Variants in FAT4 observed in about 807,000 individuals in gnomAD.
FAT4 encodes the protein protocadherin Fat 4.
In FAT4, 84 loss-of-function variants were observed where a neutral mutation model predicts 303.9. That is an observed-to-expected ratio of 0.28 (90% CI 0.23 to 0.33). FAT4 has a LOEUF of 0.33. FAT4 is among the 10% of genes least tolerant of loss of function. FAT4 has a pLI of 1.00. For missense variants in FAT4, 6,005 were observed against 6,146.8 expected (o/e 0.98, Z 0.77); for synonymous variants, 2,307 against 2,298.8 (o/e 1.00, Z -0.10).
In FAT4 at chr4:125,315,168, C is replaced by G. The variant is rs1730517189; in HGVS notation, c.-822C>G. On this transcript the variant is annotated 5_prime_UTR_variant, in exon 1 of 18. Transcript: ENST00000394329. Reference sequence around the variant, plus strand: ...GAGGTGGAGAAGGGCTCGCGGAGCCCTAGCTCCACCGCAGTCCAACCTTCG... The same window carrying G: ...GAGGTGGAGAAGGGCTCGCGGAGCCGTAGCTCCACCGCAGTCCAACCTTCG... 6.6e-6 allele frequency among the ~76,000 whole-genome samples: 1 copy of G among 151,830 alleles called. No homozygotes were observed. Among genetic ancestry groups the G allele is most frequent in the African/African-American group, 2.4e-5 (1 of 41,352 alleles).
intron 2 of FAT4, among the ~76,000 whole-genome samples, chr4:125,394,787 C>T (rs1167237534): frequency 6.6e-6 from 1 of 152,082 alleles, no homozygotes; most frequent in Non-Finnish European, 1.5e-5. Flanking sequence ...AATAGTAACA[C>T]CAATGGCAAC....
chr4:125,469,960 C>T (rs2126077418), intron 12 of FAT4, among the ~76,000 whole-genome samples: 1 of 152,218 alleles, frequency 6.6e-6, no homozygotes, highest in Non-Finnish European at 1.5e-5. Flanking sequence ...CAGCTATAGC[C>T]TTATGAAATG....
At chr4:125,484,239 A>G (rs1418577227) in intron 16 of FAT4, among the ~76,000 whole-genome samples, 2 of 152,116 alleles carry the variant, frequency 1.3e-5, no homozygotes, top group African/African-American at 2.4e-5. Flanking sequence ...AATATGTAGA[A>G]TCAATTGGGT....
intron 7 of FAT4, among the ~76,000 whole-genome samples, chr4:125,424,171 G>A (rs922407141): frequency 1.3e-5 from 2 of 152,148 alleles, no homozygotes; most frequent in African/African-American, 4.8e-5. Context: ...GGGACAGAAT[G>A]ATATGATTTG....
At position 125,418,971 on chromosome 4, in the gene FAT4, A is replaced by T. The variant is rs139294205; in HGVS notation, c.7018+2349A>T. Among the ~76,000 whole-genome samples, 258 of 152,306 alleles carry T rather than the reference A, an allele frequency of 1.7e-3. 1 individual carries two copies. The highest frequency in any genetic ancestry group is 5.7e-3 in the African/African-American group (236 of 41,564). On this transcript the variant is annotated intron_variant, in intron 7 of 17. Transcript: ENST00000394329. The stretch of plus-strand genomic sequence containing the variant: ...GGGAAACTAGAAGAGTATACTTTAA[A>T]AAATGAATTCAGATAATTAATTTAG...
rs568509993 is a variant in FAT4 at position 125,326,043 on chromosome 4, G to A, written c.5175+4457G>A. ...TGAGAGAACCATTGGTGTGGGTAGTGAGATTTTGGCAGTTCAGTTAACAAC... is the reference window on the plus strand; with the variant it reads ...TGAGAGAACCATTGGTGTGGGTAGTAAGATTTTGGCAGTTCAGTTAACAAC... On this transcript the variant is annotated intron_variant, in intron 2 of 17. Coordinates refer to ENST00000394329, the MANE Select transcript of FAT4 (RefSeq NM_001291303.3). Among the ~76,000 whole-genome samples, 5 of 152,116 alleles carry A rather than the reference G, an allele frequency of 3.3e-5. No homozygotes were observed. The East Asian group carries it at 9.7e-4, about 30-fold the overall frequency.
chr4:125,403,803 C>T (rs144370879), intron 3 of FAT4, among the ~76,000 whole-genome samples: 15 of 152,040 alleles, frequency 9.9e-5, no homozygotes, highest in African/African-American at 3.4e-4. Flanking sequence ...TTTGCTTTTA[C>T]TTTGCACATG....
intron 14 of FAT4, 126 bp from the exon 15 acceptor site, chr4:125,479,615 T>G: frequency 2.2e-6 from 2 of 920,600 alleles, no homozygotes; most frequent in Non-Finnish European, 1.5e-6. Flanking sequence ...CAAATGTAGT[T>G]GTAACTTGAG....
intron 2 of FAT4, among the ~76,000 whole-genome samples, chr4:125,381,981 G>A (rs971116623): frequency 1.3e-5 from 2 of 152,276 alleles, no homozygotes; most frequent in African/African-American, 4.8e-5. Context: ...ATCTGTTCTA[G>A]TTTTATCTTG....
chr4:125,415,398 T>C lies in FAT4; in HGVS notation c.6435T>C (p.Leu2145=), dbSNP rs764905177. 26 of 1,614,078 alleles carry C rather than the reference T, an allele frequency of 1.6e-5. No homozygotes were observed. In the Admixed American group the frequency reaches 3.7e-4, roughly 23 times the overall value. ...SSSTEVVVMV[L]DINDNNPIFA... is the part of the protein sequence containing the mutation. ...CTACAGAGGTTGTAGTTATGGTACT[T>C]GACATCAATGATAACAACCCCATCT... Residue 2145 remains leucine (L), a synonymous_variant, in exon 6 of 18, where the codon CTT becomes CTC. Transcript: ENST00000394329.
intron 8 of FAT4, among the ~76,000 whole-genome samples, chr4:125,436,193 T>TAAA (rs34055140): frequency 1.3e-5 from 2 of 148,606 alleles, no homozygotes; most frequent in African/African-American, 2.5e-5. Flanking sequence ...AGTATAATAA[T>TAAA]AAAAAAAAAA....
At chr4:125,461,735 C>G (rs1431542744) in intron 10 of FAT4, among the ~76,000 whole-genome samples, 1 of 151,842 alleles carries the variant, frequency 6.6e-6, no homozygotes, top group East Asian at 1.9e-4. Context: ...TAGAATATTA[C>G]TTTATTGATG....
rs779280729 is a variant in FAT4, at chr4:125,481,661, G to A, written c.12745G>A (p.Glu4249Lys). The A allele has an allele frequency of 6.2e-7, 1 of 1,613,902 alleles. No individual in the cohort carries two copies. Among genetic ancestry groups the A allele is most frequent in the Non-Finnish European group, 8.5e-7 (1 of 1,179,950 alleles). The stretch of plus-strand genomic sequence containing the variant: ...GGAGCCTTTTGGTGTGAACAGTCTG[G>A]AAGTAAAATTTAGGACCAGAAGCGA... ...MLEPFGVNSL[E>K]VKFRTRSENG... The change falls in exon 16 of 18, where the codon GAA (glutamate) becomes AAA (lysine). Residue 4249 changes from glutamate to lysine, a missense_variant. Coordinates refer to ENST00000394329, the MANE Select transcript of FAT4 (RefSeq NM_001291303.3).
Position 125,408,633 on chromosome 4 carries a change from A to G in FAT4, c.5759A>G (p.Asp1920Gly). ...TATATCCTCACTGTTCGAGCAGAAGATGGTGGGGGACAATTTACTACCATC... is the reference window on the plus strand; with the variant it reads ...TATATCCTCACTGTTCGAGCAGAAGGTGGTGGGGGACAATTTACTACCATC... ...QYYILTVRAE[D>G]GGGQFTTIRV... The change falls in exon 5 of 18, where the codon GAT becomes GGT. Residue 1920 changes from aspartate to glycine, a missense_variant. Transcript: ENST00000394329. 1.2e-6 allele frequency: 2 copies of G among 1,612,078 alleles called. No individual in the cohort carries two copies. Among genetic ancestry groups the G allele is most frequent in the Non-Finnish European group, 1.7e-6 (2 of 1,178,588 alleles).
chr4:125,366,834 A>G (rs912144560), intron 2 of FAT4, among the ~76,000 whole-genome samples: 4 of 151,742 alleles, frequency 2.6e-5, no homozygotes, highest in African/African-American at 9.7e-5. Context: ...TTTGACTTGC[A>G]TTTCTCTAAT....
intron 7 of FAT4, among the ~76,000 whole-genome samples, chr4:125,430,609 A>G (rs1355775360): frequency 2.0e-5 from 3 of 152,082 alleles, no homozygotes; most frequent in African/African-American, 7.2e-5. Context: ...TCCTGGGGTA[A>G]TAAGAAAGTT....
intron 4 of FAT4, 56 bp downstream of exon 4, chr4:125,407,197 A>T (rs1486437255): frequency 2.0e-6 from 3 of 1,495,970 alleles, no homozygotes; most frequent in South Asian, 2.5e-5. Context: ...AACCAAAATT[A>T]CATACTATGT....
At chr4:125,429,726 A>G (rs1725217773) in intron 7 of FAT4, among the ~76,000 whole-genome samples, 1 of 152,214 alleles carries the variant, frequency 6.6e-6, no homozygotes, top group African/African-American at 2.4e-5. Flanking sequence ...TTCAATTTAG[A>G]TATAAATATA....
intron 8 of FAT4, among the ~76,000 whole-genome samples, chr4:125,439,428 G>T (rs560515186): frequency 1.3e-5 from 2 of 151,412 alleles, no homozygotes; most frequent in East Asian, 3.9e-4. Context: ...CGCCTTCCAG[G>T]TTCACGCCAT....
Sources: allele counts gnomAD v4.1 joint callset (sites outside exome capture counted in the v4.1 genomes callset), GRCh38; gene constraint gnomAD v4.1.1; transcripts MANE v1.5; gene names NCBI Gene and HGNC (gene_info 2026-07-23, HGNC 2026-07-21).